The following CFAP299 variants were observed in gnomAD, a reference collection of about 807,000 sequenced individuals.
The protein encoded by CFAP299 is cilia and flagella associated protein 299, also known as cilia- and flagella-associated protein 299.
Under a neutral mutation model 27.0 loss-of-function variants are expected in CFAP299, and 21 were observed. That is an observed-to-expected ratio of 0.78 (90% CI 0.55 to 1.12). The LOEUF is 1.12. Ranked by LOEUF, CFAP299 falls within the 50% of genes most tolerant of loss-of-function variation. The pLI is 0.00. For synonymous variants in CFAP299, 104 were observed against 98.1 expected (o/e 1.06, Z -0.36); for missense variants, 310 against 276.6 (o/e 1.12, Z -0.86).
chr4:80,630,444 A>T (rs376039850), intron 3 of CFAP299, among the ~76,000 whole-genome samples: 10 of 152,276 alleles, frequency 6.6e-5, no homozygotes, highest in East Asian at 5.8e-4. Context: ...CAATTTGGTG[A>T]ACAGCATATA....
At chr4:80,849,474 A>C (rs1488316637) in intron 3 of CFAP299, among the ~76,000 whole-genome samples, 1 of 152,214 alleles carries the variant, frequency 6.6e-6, no homozygotes, top group Non-Finnish European at 1.5e-5. Context: ...GAAACCTAGA[A>C]AAAAATCAAG....
intron 3 of CFAP299, among the ~76,000 whole-genome samples, chr4:80,753,836 A>G (rs1473475119): frequency 6.6e-6 from 1 of 152,082 alleles, no homozygotes; most frequent in African/African-American, 2.4e-5. Context: ...TAGTTTTAGC[A>G]TTTCCATTTG....
At chr4:80,508,437 TAAGA>T (rs1732136209) in intron 2 of CFAP299, among the ~76,000 whole-genome samples, 1 of 152,208 alleles carries the variant, frequency 6.6e-6, no homozygotes, top group African/African-American at 2.4e-5. Context: ...TGTATTAAAA[TAAGA>T]AAGAAACTTG....
chr4:80,742,674 A>G (rs889416351), intron 3 of CFAP299, among the ~76,000 whole-genome samples: 1 of 152,204 alleles, frequency 6.6e-6, no homozygotes, highest in African/African-American at 2.4e-5. Context: ...TATGAGAATG[A>G]TGATAATCAA....
intron 3 of CFAP299, among the ~76,000 whole-genome samples, chr4:80,799,862 T>A (rs1728266808): frequency 3.2e-5 from 1 of 31,222 alleles, no homozygotes; most frequent in South Asian, 1.2e-3. Context: ...TATAAATATA[T>A]ATTATATATA....
intron 3 of CFAP299, among the ~76,000 whole-genome samples, chr4:80,777,884 T>C (rs1726646354): frequency 6.6e-6 from 1 of 152,152 alleles, no homozygotes; most frequent in African/African-American, 2.4e-5. Flanking sequence ...AGATTTACCA[T>C]GTTGATATGT....
intron 2 of CFAP299, among the ~76,000 whole-genome samples, chr4:80,527,570 A>G (rs996247049): frequency 6.6e-6 from 1 of 152,128 alleles, no homozygotes; most frequent in African/African-American, 2.4e-5. Context: ...CCCATCCATA[A>G]TCAGGCTTCT....
Position 80,800,504 on chromosome 4 carries a change from TTATATAATATATAA to T in CFAP299, c.334-69476_334-69463del, listed in dbSNP as rs1728444533. ...TATATAATATATAATATATAATATA[TTATATAATATATAA>T]TATATAATATATTATATAATATATA... On this transcript the variant is annotated intron_variant, in intron 3 of 5. Transcript: ENST00000358105. Among the ~76,000 whole-genome samples the T allele has an allele frequency of 3.2e-3, 8 of 2,468 alleles. No homozygotes were observed. In the South Asian group the frequency reaches 0.041, roughly 13 times the overall value. 1.6% of individuals were successfully genotyped at this position (2,468 alleles called of 152,430 possible). A position where few individuals can be genotyped will look rare whatever the true frequency, so the allele number is the denominator to read the frequency against.
In CFAP299 at chr4:80,465,156, T is replaced by G. The variant is rs1172845065; in HGVS notation, c.242+102272T>G. On this transcript the variant is annotated intron_variant, in intron 2 of 5. Transcript: ENST00000358105. Reference sequence around the variant, plus strand: ...TTTTAAATTACTACCCTTTTCATTGTATGTATTCAACCTGCTTCCCAGCAG... The same window carrying G: ...TTTTAAATTACTACCCTTTTCATTGGATGTATTCAACCTGCTTCCCAGCAG... 2.0e-5 allele frequency among the ~76,000 whole-genome samples: 3 copies of G among 152,190 alleles called. No individual in the cohort carries two copies. The East Asian group carries it at 5.8e-4, about 29-fold the overall frequency.
intron 3 of CFAP299, among the ~76,000 whole-genome samples, chr4:80,779,042 T>C (rs1415281252): frequency 1.3e-5 from 2 of 152,092 alleles, no homozygotes; most frequent in African/African-American, 2.4e-5. Context: ...ATTTCATATA[T>C]ATTACCTAAC....
intron 3 of CFAP299, among the ~76,000 whole-genome samples, chr4:80,702,332 C>A (rs1022610865): frequency 6.6e-6 from 1 of 151,796 alleles, no homozygotes; most frequent in African/African-American, 2.4e-5. Context: ...GTTAAAAAGA[C>A]ATTTATCCTT....
At chr4:80,719,988 T>A (rs1186878033) in intron 3 of CFAP299, among the ~76,000 whole-genome samples, 1 of 152,106 alleles carries the variant, frequency 6.6e-6, no homozygotes, top group Non-Finnish European at 1.5e-5. Flanking sequence ...ACAAATAATA[T>A]AAGCCCCGTG....
intron 3 of CFAP299, among the ~76,000 whole-genome samples, chr4:80,616,281 A>G (rs1738271346): frequency 6.6e-6 from 1 of 152,100 alleles, no homozygotes; most frequent in Non-Finnish European, 1.5e-5. Flanking sequence ...TAATTTTTGA[A>G]GCTGAACTTA....
chr4:80,757,160 T>A (rs1367130970), intron 3 of CFAP299, among the ~76,000 whole-genome samples: 1 of 152,138 alleles, frequency 6.6e-6, no homozygotes, highest in Non-Finnish European at 1.5e-5. Context: ...GTTTGATTTT[T>A]CTTTTGTTCT....
chr4:80,432,640 C>T (rs758609404), intron 2 of CFAP299, among the ~76,000 whole-genome samples: 2 of 149,040 alleles, frequency 1.3e-5, no homozygotes, highest in South Asian at 4.2e-4. Flanking sequence ...TAACACCATT[C>T]CCCTGCCTCA....
At chr4:80,567,574 C>T (rs1023914734) in intron 2 of CFAP299, among the ~76,000 whole-genome samples, 2 of 151,954 alleles carry the variant, frequency 1.3e-5, no homozygotes, top group Middle Eastern at 3.2e-3. Context: ...GGATTTAGCT[C>T]TACTGTTCTC....
chr4:80,605,152 G>A (rs1446969221), intron 3 of CFAP299, among the ~76,000 whole-genome samples: 2 of 152,156 alleles, frequency 1.3e-5, no homozygotes, highest in African/African-American at 4.8e-5. Context: ...ATGGTTATTT[G>A]TAATTCTACT....
intron 2 of CFAP299, among the ~76,000 whole-genome samples, chr4:80,545,816 T>A (rs1734201243): frequency 6.6e-6 from 1 of 152,130 alleles, no homozygotes; most frequent in South Asian, 2.1e-4. Flanking sequence ...CTGGTCAAAA[T>A]CTCTGATAAA....
intron 1 of CFAP299, among the ~76,000 whole-genome samples, chr4:80,355,421 G>C (rs1380748016): frequency 7.1e-6 from 1 of 140,134 alleles, no homozygotes; most frequent in Non-Finnish European, 1.5e-5. Context: ...GCAGTGGCGC[G>C]ATCTCGGCTC....
Sources: allele counts gnomAD v4.1 joint callset (sites outside exome capture counted in the v4.1 genomes callset), GRCh38; gene constraint gnomAD v4.1.1; transcripts MANE v1.5; gene names NCBI Gene and HGNC (gene_info 2026-07-23, HGNC 2026-07-21).